Variants in KCNQ3 observed in about 807,000 individuals in gnomAD.
KCNQ3 encodes potassium voltage-gated channel subfamily Q member 3.
In KCNQ3, 30 loss-of-function variants were observed where a neutral mutation model predicts 92.5. That is an observed-to-expected ratio of 0.32 (90% confidence interval 0.24 to 0.44). KCNQ3 has a LOEUF of 0.44. KCNQ3 is among the 20% of genes least tolerant of loss of function. The pLI is 1.00. For synonymous variants in KCNQ3, 450 were observed against 468.8 expected, an observed-to-expected ratio of 0.96 and a Z score of 0.52; for missense variants, 913 against 1,140.3, an observed-to-expected ratio of 0.80 and a Z score of 2.87.
intron 1 of KCNQ3, among the ~76,000 whole-genome samples, chr8:132,236,710 G>A (rs1374882712): frequency 6.6e-6 from 1 of 152,174 alleles, no homozygotes; most frequent in Non-Finnish European, 1.5e-5. Flanking sequence ...TGGCACAGTT[G>A]ACTTTGAGTA....
intron 1 of KCNQ3, among the ~76,000 whole-genome samples, chr8:132,297,280 T>C (rs907576765): frequency 6.6e-5 from 10 of 152,278 alleles, no homozygotes; most frequent in African/African-American, 2.4e-4. Context: ...CATTGTAGAT[T>C]CTGGATATTA....
intron 1 of KCNQ3, among the ~76,000 whole-genome samples, chr8:132,445,684 C>T (rs969410616): frequency 1.1e-5 from 1 of 93,456 alleles, no homozygotes; most frequent in African/African-American, 4.3e-5. Flanking sequence ...CAAAAAAACA[C>T]ACAAAAAATC....
chr8:132,373,642 C>A (rs1420240392), intron 1 of KCNQ3, among the ~76,000 whole-genome samples: 1 of 152,124 alleles, frequency 6.6e-6, no homozygotes, highest in Non-Finnish European at 1.5e-5. Context: ...CCAGAGCCCC[C>A]AAGACCCAAT....
chr8:132,476,336 C>G (rs1047276872), intron 1 of KCNQ3, among the ~76,000 whole-genome samples: 1 of 152,220 alleles, frequency 6.6e-6, no homozygotes, highest in South Asian at 2.1e-4. Context: ...GTCCTCCAGA[C>G]CCCAGAATGG....
At chr8:132,316,377 C>A (rs563838172) in intron 1 of KCNQ3, among the ~76,000 whole-genome samples, 1 of 152,284 alleles carries the variant, frequency 6.6e-6, no homozygotes, top group Non-Finnish European at 1.5e-5. Context: ...GTCCCTAAAG[C>A]CAGATAGACC....
chr8:132,182,843 A>G (rs144058335), intron 3 of KCNQ3, among the ~76,000 whole-genome samples: 1 of 152,292 alleles, frequency 6.6e-6, no homozygotes, highest in Non-Finnish European at 1.5e-5. Context: ...GAGAGAAGAA[A>G]GAAATATGAA....
chr8:132,140,096 C>T lies in KCNQ3; in HGVS notation c.1548G>A (p.Lys516=), dbSNP rs994157818. 5.0e-6 allele frequency: 8 copies of T among 1,603,708 alleles called. No homozygotes were observed. In the Middle Eastern group the frequency reaches 5.0e-4, roughly 100 times the overall value. Residue 516 remains lysine, a synonymous_variant, in exon 11 of 15, where the codon AAG becomes AAA. Transcript: ENST00000388996. The stretch of plus-strand genomic sequence containing the variant: ...ATTACCTGACGGCTCGGATGGCGGC[C>T]TTCAGGGTGGGGATCATGTCTTCGA... ...FPIEDMIPTL[K]AAIRAVRILQ...
chr8:132,422,184 A>G (rs566096414), intron 1 of KCNQ3, among the ~76,000 whole-genome samples: 1 of 152,038 alleles, frequency 6.6e-6, no homozygotes, highest in Admixed American at 6.5e-5. Flanking sequence ...AGGAAATGAC[A>G]CCACCATCTA....
At chr8:132,132,755 G>A (rs979997747) in intron 13 of KCNQ3, among the ~76,000 whole-genome samples, 15 of 152,178 alleles carry the variant, frequency 9.9e-5, no homozygotes, top group Non-Finnish European at 2.2e-4. Flanking sequence ...TCTTGAACAT[G>A]ATGCAAAAGA....
intron 1 of KCNQ3, among the ~76,000 whole-genome samples, chr8:132,276,686 T>C (rs759798461): frequency 1.3e-5 from 2 of 152,164 alleles, no homozygotes; most frequent in African/African-American, 2.4e-5. Context: ...ATCATAACAA[T>C]CCTCCATGGT....
At chr8:132,363,639 G>A (rs994193580) in intron 1 of KCNQ3, among the ~76,000 whole-genome samples, 1 of 152,016 alleles carries the variant, frequency 6.6e-6, no homozygotes, top group East Asian at 1.9e-4. Flanking sequence ...ATCTGATTCT[G>A]TAGTACGCTG....
At chr8:132,230,079 C>T (rs1337473515) in intron 1 of KCNQ3, among the ~76,000 whole-genome samples, 1 of 152,090 alleles carries the variant, frequency 6.6e-6, no homozygotes, top group Non-Finnish European at 1.5e-5. Flanking sequence ...TTTTTCTCTG[C>T]CTCAGGGCCA....
intron 9 of KCNQ3, among the ~76,000 whole-genome samples, chr8:132,143,666 G>A (rs1586766381): frequency 6.6e-6 from 1 of 152,174 alleles, no homozygotes; most frequent in African/African-American, 2.4e-5. Flanking sequence ...AATGCATGTC[G>A]AGTGCTCAGC....
intron 1 of KCNQ3, among the ~76,000 whole-genome samples, chr8:132,473,796 C>T (rs1011491761): frequency 1.3e-5 from 2 of 152,190 alleles, no homozygotes; most frequent in African/African-American, 4.8e-5. Flanking sequence ...TCTGCATTAC[C>T]GACAGCATTA....
Position 132,246,418 on chromosome 8 carries a change from C to T in KCNQ3, c.387-60237G>A, listed in dbSNP as rs61247151. Among the ~76,000 whole-genome samples the T allele has an allele frequency of 2.5e-3, 386 of 152,336 alleles. 3 individuals carry two copies. Among genetic ancestry groups the T allele is most frequent in the African/African-American group, 8.9e-3 (372 of 41,574 alleles). ...TTTGCAGAGAAATATGCTGCTTTAG[C>T]ATCCCATCTTCAGGGTATTGCTGGA... On this transcript the variant is annotated intron_variant, in intron 1 of 14. Transcript: ENST00000388996.
At position 132,284,480 on chromosome 8, in the gene KCNQ3, C is replaced by G. The variant is rs1816621511; in HGVS notation, c.387-98299G>C. ...AATTAAGATCTGTCTGTTTGTGAAA[C>G]TCTATAGATTTTTTTTTTATCTACT... On this transcript the variant is annotated intron_variant, in intron 1 of 14. Transcript: ENST00000388996. Among the ~76,000 whole-genome samples the G allele has an allele frequency of 2.5e-5, 3 of 117,990 alleles. No homozygotes were observed. The Admixed American group carries it at 3.0e-4, about 12-fold the overall frequency. The allele number at this position is 117,990 out of a possible 152,430, so 77.4% of individuals were successfully genotyped here.
Position 132,442,990 on chromosome 8 carries a change from C to T in KCNQ3, c.386+37157G>A, listed in dbSNP as rs1004435276. Among the ~76,000 whole-genome samples, 65 of 152,244 alleles carry T rather than the reference C, an allele frequency of 4.3e-4. 1 individual carries two copies. Among genetic ancestry groups the T allele is most frequent in the African/African-American group, 1.3e-3 (55 of 41,556 alleles). ...AGCCCCAGAGACAGGCTCCTGAGGC[C>T]GAAGCAGCTCAGGCCATAAATCCTC... On this transcript the variant is annotated intron_variant, in intron 1 of 14. Coordinates refer to ENST00000388996, the MANE Select transcript of KCNQ3 (RefSeq NM_004519.4).
At chr8:132,321,020 G>T (rs1056137714) in intron 1 of KCNQ3, among the ~76,000 whole-genome samples, 1 of 152,204 alleles carries the variant, frequency 6.6e-6, no homozygotes, top group Non-Finnish European at 1.5e-5. Context: ...TATTCAAATG[G>T]TCTAAGACAG....
intron 1 of KCNQ3, among the ~76,000 whole-genome samples, chr8:132,462,851 C>G (rs1822092524): frequency 6.6e-6 from 1 of 152,194 alleles, no homozygotes; most frequent in Non-Finnish European, 1.5e-5. Context: ...GTTATTACTA[C>G]TGTTGATATC....
Sources: allele counts gnomAD v4.1 joint callset (sites outside exome capture counted in the v4.1 genomes callset), GRCh38; gene constraint gnomAD v4.1.1; transcripts MANE v1.5; gene names NCBI Gene and HGNC (gene_info 2026-07-23, HGNC 2026-07-21).